TRAPPC6B: variants seen among roughly 807,000 people sequenced by gnomAD.
TRAPPC6B encodes the protein trafficking protein particle complex subunit 6B.
In TRAPPC6B, 27 loss-of-function variants were observed where a neutral mutation model predicts 24.7. The ratio of observed to expected loss-of-function variants is 1.09; its 90% CI spans 0.81 to 1.51. The LOEUF is 1.51. Ranked by LOEUF, TRAPPC6B falls within the 40% of genes most tolerant of loss-of-function variation. The probability of loss-of-function intolerance (pLI) is 0.00; values close to 1 mark genes in which losing one functional copy is unlikely to be tolerated. For synonymous variants in TRAPPC6B, 80 were observed against 66.6 expected (o/e 1.20, Z -0.98); for missense variants, 212 against 190.8 (o/e 1.11, Z -0.66).
chr14:39,163,716 T>G (rs1272965149), intron 1 of TRAPPC6B, among the ~76,000 whole-genome samples: 1 of 151,050 alleles, frequency 6.6e-6, no homozygotes, highest in African/African-American at 2.5e-5. Flanking sequence ...TAGGGCTTAT[T>G]ATTTGCTAAA....
chr14:39,151,606 T>C (rs557026294), intron 5 of TRAPPC6B, 140 bp downstream of exon 5: 62 of 601,840 alleles, frequency 1.0e-4, no homozygotes, highest in Non-Finnish European at 1.6e-4. Context: ...ATGCTACATA[T>C]TACTACACTA....
chr14:39,155,618 C>A (rs1369907500), intron 3 of TRAPPC6B, among the ~76,000 whole-genome samples: 1 of 152,062 alleles, frequency 6.6e-6, no homozygotes, highest in African/African-American at 2.4e-5. Flanking sequence ...CTCACTGCAA[C>A]CTCTGCCTCC....
At chr14:39,156,935 A>AC (rs1301029377) in intron 3 of TRAPPC6B, 4 of 156,388 alleles carry the variant, frequency 2.6e-5, no homozygotes, top group African/African-American at 9.7e-5. Context: ...GCATGGTGAA[A>AC]CCCCACCTCT....
chr14:39,158,153 T>C (rs2053007527), intron 3 of TRAPPC6B, 132 bp downstream of exon 3: 1 of 589,150 alleles, frequency 1.7e-6, no homozygotes, highest in Non-Finnish European at 2.9e-6. Context: ...AAAAAACTAA[T>C]AACTCATTAA....
In TRAPPC6B at chr14:39,148,948, G is replaced by A. The variant is rs140345807; in HGVS notation, c.*1402C>T. 7.7e-6 allele frequency: 3 copies of A among 390,802 alleles called. No individual in the cohort carries two copies. The highest frequency in any genetic ancestry group is 2.1e-5 in the African/African-American group (1 of 47,978). 24.2% of individuals were successfully genotyped at this position (390,802 alleles called of 1,614,324 possible). ...ATTGTAGTGAATACTGTAGGACACT[G>A]TAACACAATGGTAAGTACTTGCATA... is the stretch of plus-strand genomic sequence containing the variant. On this transcript the variant is annotated 3_prime_UTR_variant, in exon 6 of 6. Transcript: ENST00000330149.
At chr14:39,160,905 T>C (rs2053050315) in intron 1 of TRAPPC6B, among the ~76,000 whole-genome samples, 1 of 152,212 alleles carries the variant, frequency 6.6e-6, no homozygotes, top group Non-Finnish European at 1.5e-5. Context: ...AGTTAACACG[T>C]AGTAGAATGA....
intron 1 of TRAPPC6B, among the ~76,000 whole-genome samples, chr14:39,165,261 G>A (rs545776727): frequency 6.6e-5 from 10 of 152,048 alleles, no homozygotes; most frequent in African/African-American, 1.4e-4. Context: ...TAGCCAGGAC[G>A]GTCTCGATCT....
intron 3 of TRAPPC6B, among the ~76,000 whole-genome samples, 162 bp downstream of exon 3, chr14:39,158,123 C>G (rs1162365936): frequency 6.6e-6 from 1 of 152,146 alleles, no homozygotes; most frequent in Non-Finnish European, 1.5e-5. Flanking sequence ...TGTCTTTACT[C>G]AGTTCACACT....
Position 39,150,192 on chromosome 14 carries a change from T to A in TRAPPC6B, c.*158A>T, listed in dbSNP as rs1312247679. The stretch of plus-strand genomic sequence containing the variant: ...TGGTTAAGTGTATGTCATGGCAGAA[T>A]GTCCCTTCATCTCCTTTGATCTGTG... On this transcript the variant is annotated 3_prime_UTR_variant, in exon 6 of 6. Coordinates refer to ENST00000330149, the MANE Select transcript of TRAPPC6B (RefSeq NM_001079537.2). 2.7e-5 allele frequency: 17 copies of A among 620,088 alleles called. No homozygotes were observed. The highest frequency in any genetic ancestry group is 4.0e-5 in the Non-Finnish European group (15 of 373,896). The allele number at this position is 620,088 out of a possible 1,614,324, so 38.4% of individuals were successfully genotyped here.
At chr14:39,161,417 T>A (rs367892653) in intron 1 of TRAPPC6B, among the ~76,000 whole-genome samples, 2 of 152,304 alleles carry the variant, frequency 1.3e-5, no homozygotes. Flanking sequence ...ATTAGCAACT[T>A]GTCACTCCTG....
chr14:39,170,287 G>A lies in TRAPPC6B; in HGVS notation c.-192C>T, dbSNP rs1336094377. The A allele has an allele frequency of 1.5e-5, 9 of 580,996 alleles. No homozygotes were observed. The highest frequency in any genetic ancestry group is 1.0e-4 in the Admixed American group (3 of 30,000). 36.0% of individuals were successfully genotyped at this position (580,996 alleles called of 1,614,324 possible). ...ACTGAAATGAGTCTGGTACTGGAGA[G>A]AGCCCACACTTCGGGGCTACCAAAT... On this transcript the variant is annotated 5_prime_UTR_variant, in exon 1 of 6. Transcript: ENST00000330149.
At chr14:39,151,484 T>TA (rs1328981837) in intron 5 of TRAPPC6B, among the ~76,000 whole-genome samples, 1 of 151,858 alleles carries the variant, frequency 6.6e-6, no homozygotes, top group Non-Finnish European at 1.5e-5. Flanking sequence ...AGAATATCTT[T>TA]AAAAAAGTTA....
chr14:39,163,278 G>A (rs922684402), intron 1 of TRAPPC6B, among the ~76,000 whole-genome samples: 1 of 149,652 alleles, frequency 6.7e-6, no homozygotes, highest in Non-Finnish European at 1.5e-5. Flanking sequence ...GGCTGAGGCA[G>A]GAGAAACGCT....
chr14:39,148,518 G>C lies in TRAPPC6B; in HGVS notation c.*1832C>G, dbSNP rs1431689549. ...CGAAATGGCTGATGGGTAGGCATAT[G>C]AATGTCTAACAAACCAACTTATTTG... is the stretch of plus-strand genomic sequence containing the variant. On this transcript the variant is annotated 3_prime_UTR_variant, in exon 6 of 6. Coordinates refer to ENST00000330149, the MANE Select transcript of TRAPPC6B (RefSeq NM_001079537.2). 5.1e-6 allele frequency: 2 copies of C among 395,606 alleles called. No individual in the cohort carries two copies. The highest frequency in any genetic ancestry group is 7.2e-5 in the East Asian group (2 of 27,906). 24.5% of individuals were successfully genotyped at this position (395,606 alleles called of 1,614,324 possible). A position where few individuals can be genotyped will look rare whatever the true frequency, so the allele number is the denominator to read the frequency against.
intron 5 of TRAPPC6B, among the ~76,000 whole-genome samples, chr14:39,150,860 G>A (rs2052903000): frequency 6.6e-6 from 1 of 152,076 alleles, no homozygotes; most frequent in Non-Finnish European, 1.5e-5. Flanking sequence ...TTTATGGGAT[G>A]ATTATATGGT....
intron 4 of TRAPPC6B, among the ~76,000 whole-genome samples, chr14:39,153,498 C>T (rs1698615879): frequency 6.6e-6 from 1 of 151,628 alleles, no homozygotes; most frequent in Non-Finnish European, 1.5e-5. Context: ...GGCATGGTGG[C>T]CCACACCTGC....
intron 4 of TRAPPC6B, among the ~76,000 whole-genome samples, chr14:39,153,587 T>C (rs1209607763): frequency 6.7e-6 from 1 of 149,226 alleles, no homozygotes; most frequent in Non-Finnish European, 1.5e-5. Flanking sequence ...GCCATGATTG[T>C]ACCACTACAC....
intron 5 of TRAPPC6B, among the ~76,000 whole-genome samples, 163 bp downstream of exon 5, chr14:39,151,583 A>C (rs1458617815): frequency 1.3e-5 from 2 of 152,056 alleles, no homozygotes; most frequent in African/African-American, 4.8e-5. Context: ...AAATTACTGA[A>C]AATGAATGTA....
In TRAPPC6B at chr14:39,170,019, T is replaced by TC. The variant is rs1210456908; in HGVS notation, c.76dup (p.Glu26GlyfsTer10). The TC allele has an allele frequency of 6.2e-7, 1 of 1,613,472 alleles. No individual in the cohort carries two copies. Among genetic ancestry groups the TC allele is most frequent in the Non-Finnish European group, 8.5e-7 (1 of 1,179,734 alleles). On this transcript the variant is annotated frameshift_variant, in exon 1 of 6. Transcript: ENST00000330149. LOFTEE classifies it high-confidence loss of function. ...AGGTTGTGTGGCAGCACTCACCACC[T>TC]CCCCCTGCTCCGCGGACTTGTACAC... is the stretch of plus-strand genomic sequence containing the variant.
Sources: allele counts gnomAD v4.1 joint callset (sites outside exome capture counted in the v4.1 genomes callset), GRCh38; gene constraint gnomAD v4.1.1; transcripts MANE v1.5; gene names NCBI Gene and HGNC (gene_info 2026-07-23, HGNC 2026-07-21).